Variants in DPT observed in about 807,000 individuals in gnomAD.
DPT encodes the protein dermatopontin, also known as tyrosine-rich acidic matrix protein.
A neutral mutation model predicts 31.2 loss-of-function variants in DPT; 21 were observed. That is an observed-to-expected ratio of 0.67 (90% CI 0.48 to 0.97). DPT has a LOEUF of 0.97. DPT is among the 50% of genes least tolerant of loss of function. The pLI is 0.00. For missense variants in DPT, 262 were observed against 258.8 expected (o/e 1.01, Z -0.08); for synonymous variants, 91 against 86.9 (o/e 1.05, Z -0.26).
intron 2 of DPT, among the ~76,000 whole-genome samples, chr1:168,713,477 G>A (rs532632575): frequency 5.3e-5 from 8 of 152,310 alleles, no homozygotes; most frequent in African/African-American, 1.9e-4. Context: ...ACCTTCACAT[G>A]TTGACACTTC....
intron 2 of DPT, among the ~76,000 whole-genome samples, chr1:168,707,495 A>C (rs1649748280): frequency 6.6e-6 from 1 of 152,178 alleles, no homozygotes; most frequent in South Asian, 2.1e-4. Context: ...ACTTAGCCAG[A>C]CACATCTATG....
chr1:168,709,590 T>G (rs1285549278), intron 2 of DPT, among the ~76,000 whole-genome samples: 2 of 152,162 alleles, frequency 1.3e-5, no homozygotes, highest in South Asian at 2.1e-4. Context: ...GGATGATTTG[T>G]TTTTTCCAGC....
At chr1:168,727,166 T>C (rs1369222369) in intron 1 of DPT, among the ~76,000 whole-genome samples, 1 of 152,228 alleles carries the variant, frequency 6.6e-6, no homozygotes, top group Non-Finnish European at 1.5e-5. Flanking sequence ...GAGCCCACTC[T>C]GGGTGGAGGC....
intron 1 of DPT, among the ~76,000 whole-genome samples, chr1:168,725,253 C>CCTTTCCTTTCCTTTCCTTTA (rs61039105): frequency 1.3e-3 from 64 of 50,458 alleles, no homozygotes; most frequent in African/African-American, 4.5e-3. Context: ...CCTTTCCTTT[C>CCTTTCCTTTCCTTTCCTTTA]TCTTTCCCTT....
intron 3 of DPT, among the ~76,000 whole-genome samples, chr1:168,697,685 T>C (rs1649494249): frequency 6.6e-6 from 1 of 152,240 alleles, no homozygotes; most frequent in Admixed American, 6.5e-5. Context: ...ATAATGATAA[T>C]TGTAGCCTCT....
intron 2 of DPT, among the ~76,000 whole-genome samples, chr1:168,712,389 C>T (rs1280172801): frequency 1.3e-5 from 2 of 152,184 alleles, no homozygotes; most frequent in Admixed American, 6.5e-5. Flanking sequence ...CCCAGCATAC[C>T]CCAGCCCTGA....
At chr1:168,697,422 C>G (rs1457856069) in intron 3 of DPT, among the ~76,000 whole-genome samples, 1 of 152,146 alleles carries the variant, frequency 6.6e-6, no homozygotes, top group Non-Finnish European at 1.5e-5. Flanking sequence ...GAAAAAGTCC[C>G]TTAAATTAAA....
rs1650312672 is a variant in DPT, at chr1:168,728,952, A to G, written c.223T>C (p.Tyr75His). 8.1e-6 allele frequency: 13 copies of G among 1,614,172 alleles called. No homozygotes were observed. In the East Asian group the frequency reaches 2.9e-4, roughly 36 times the overall value. ...CTCTGTGGCGTGGGCATGCAGGCGTAGTTCCATTGTCTGTCAGAACCTTCC... is the reference window on the plus strand; with the variant it reads ...CTCTGTGGCGTGGGCATGCAGGCGTGGTTCCATTGTCTGTCAGAACCTTCC... ...KKEGSDRQWN[Y>H]ACMPTPQSLG... Residue 75 changes from tyrosine to histidine, a missense_variant, in exon 1 of 4, where the codon TAC (tyrosine) becomes CAC (histidine). Tyr to His is a moderately conservative substitution (Grantham distance 83). Transcript: ENST00000367817.
At chr1:168,701,914 A>G (rs567838654) in intron 2 of DPT, among the ~76,000 whole-genome samples, 88 of 152,134 alleles carry the variant, frequency 5.8e-4, no homozygotes, top group Non-Finnish European at 6.3e-4. Flanking sequence ...ATACTAGTAC[A>G]TGGTAGGTGT....
chr1:168,718,214 G>C (rs1052589657), intron 1 of DPT, among the ~76,000 whole-genome samples: 1 of 152,208 alleles, frequency 6.6e-6, no homozygotes, highest in Admixed American at 6.5e-5. Context: ...AGCTCCCATG[G>C]GGGTAAGTTC....
At chr1:168,710,894 C>T (rs1572628393) in intron 2 of DPT, among the ~76,000 whole-genome samples, 1 of 152,216 alleles carries the variant, frequency 6.6e-6, no homozygotes, top group East Asian at 1.9e-4. Flanking sequence ...AACACAGATC[C>T]CACAGATCCA....
intron 1 of DPT, among the ~76,000 whole-genome samples, chr1:168,719,568 C>T (rs1650053410): frequency 6.6e-6 from 1 of 152,048 alleles, no homozygotes; most frequent in Admixed American, 6.6e-5. Flanking sequence ...GAGAACAGGG[C>T]AGTGGCTCAA....
In DPT at chr1:168,728,690, C is replaced by T. The variant is rs567903072; in HGVS notation, c.305+180G>A. Among the ~76,000 whole-genome samples the T allele has an allele frequency of 2.6e-5, 4 of 152,250 alleles. No homozygotes were observed. In the South Asian group the frequency reaches 8.3e-4, roughly 32 times the overall value. ...GACACTCCCCATCCCAGGTTTTTGTCCTGTCATGTAGTCCGCTCAGCAGCA... is the reference window on the plus strand; with the variant it reads ...GACACTCCCCATCCCAGGTTTTTGTTCTGTCATGTAGTCCGCTCAGCAGCA... On this transcript the variant is annotated intron_variant, in intron 1 of 3. Transcript: ENST00000367817.
intron 2 of DPT, among the ~76,000 whole-genome samples, chr1:168,702,690 C>T (rs1224830965): frequency 2.0e-5 from 3 of 149,708 alleles, no homozygotes; most frequent in African/African-American, 4.9e-5. Context: ...CGGCTCACTG[C>T]AACTTCCGCC....
intron 1 of DPT, among the ~76,000 whole-genome samples, chr1:168,714,836 C>T (rs1370139748): frequency 2.0e-5 from 3 of 152,196 alleles, no homozygotes; most frequent in African/African-American, 4.8e-5. Context: ...GATGATCATT[C>T]GTTCTGCCCC....
chr1:168,704,815 G>T (rs746591462), intron 2 of DPT, among the ~76,000 whole-genome samples: 4 of 152,202 alleles, frequency 2.6e-5, no homozygotes, highest in Non-Finnish European at 5.9e-5. Context: ...AGGGAAATCA[G>T]TTCGAACTGA....
intron 1 of DPT, among the ~76,000 whole-genome samples, chr1:168,727,897 T>C (rs1650285240): frequency 6.6e-6 from 1 of 152,106 alleles, no homozygotes; most frequent in East Asian, 1.9e-4. Context: ...GCCACACATC[T>C]GGGTTGCTCT....
intron 2 of DPT, among the ~76,000 whole-genome samples, chr1:168,711,625 C>T (rs1366532351): frequency 6.6e-6 from 1 of 152,218 alleles, no homozygotes; most frequent in Non-Finnish European, 1.5e-5. Flanking sequence ...CAACCCCGCT[C>T]TCAAGTTCTG....
chr1:168,729,111 C>T lies in DPT; in HGVS notation c.64G>A (p.Asp22Asn), dbSNP rs568737114. ...TACTGCTGGTATGGGTATCCATAAT[C>T]GCCATACTGGCCCCAGGCCATGGTG... ...LVTMAWGQYG[D>N]YGYPYQQYHD... Residue 22 changes from aspartate (D) to asparagine (N), a missense_variant, in exon 1 of 4, where the codon GAT (aspartate) becomes AAT (asparagine). Transcript: ENST00000367817. The T allele has an allele frequency of 7.3e-5, 118 of 1,614,178 alleles. 3 individuals carry two copies. The South Asian group carries it at 1.1e-3, about 15-fold the overall frequency.
Sources: gnomAD v4.1 joint callset for allele counts (sites outside exome capture counted in the v4.1 genomes callset) on GRCh38, gnomAD v4.1.1 for gene constraint, MANE v1.5 for transcripts, NCBI Gene and HGNC (gene_info 2026-07-23, HGNC 2026-07-21) for gene names.